EIF3H: variants seen among roughly 807,000 people sequenced by gnomAD.
EIF3H encodes the protein eIF-3-gamma.
Under a neutral mutation model 44.2 loss-of-function variants are expected in EIF3H, and 26 were observed. The observed-to-expected ratio is 0.59, with a 90% CI of 0.43 to 0.82. EIF3H has a LOEUF of 0.82. Among genes scored for constraint, EIF3H ranks in the 40% least tolerant of loss-of-function variants. The pLI is 0.00. For synonymous variants in EIF3H, 166 were observed against 151.9 expected (o/e 1.09, Z -0.68); for missense variants, 359 against 432.8 (o/e 0.83, Z 1.51).
At chr8:116,702,214 A>C (rs1378050921) in intron 2 of EIF3H, among the ~76,000 whole-genome samples, 1 of 152,210 alleles carries the variant, frequency 6.6e-6, no homozygotes, top group Non-Finnish European at 1.5e-5. Context: ...CTATCCAGGA[A>C]CAAGGCAGAT....
chr8:116,723,357 G>C (rs796658660), intron 2 of EIF3H, among the ~76,000 whole-genome samples: 7 of 152,168 alleles, frequency 4.6e-5, no homozygotes, highest in African/African-American at 1.7e-4. Flanking sequence ...CTGCCAGAAA[G>C]AACTACAGAG....
intron 1 of EIF3H, among the ~76,000 whole-genome samples, chr8:116,743,798 AAACAC>A (rs1815179358): frequency 1.7e-3 from 132 of 79,676 alleles, no homozygotes; most frequent in East Asian, 8.1e-3. Flanking sequence ...ATATATATAT[AAACAC>A]ACACACACAC....
At chr8:116,719,372 G>A (rs1348721391) in intron 2 of EIF3H, among the ~76,000 whole-genome samples, 1 of 152,112 alleles carries the variant, frequency 6.6e-6, no homozygotes, top group Non-Finnish European at 1.5e-5. Context: ...GCAAGGCTCT[G>A]GAAGACAGAA....
intron 2 of EIF3H, among the ~76,000 whole-genome samples, chr8:116,718,648 T>A (rs1254693404): frequency 6.8e-6 from 1 of 148,148 alleles, no homozygotes; most frequent in Non-Finnish European, 1.5e-5. Flanking sequence ...TCATATGTTC[T>A]CATTCATAAG....
At chr8:116,733,292 A>T (rs772034786) in intron 1 of EIF3H, among the ~76,000 whole-genome samples, 14 of 152,198 alleles carry the variant, frequency 9.2e-5, no homozygotes, top group Non-Finnish European at 1.8e-4. Flanking sequence ...CCAAAAGCTC[A>T]TCAAATCTTG....
intron 2 of EIF3H, among the ~76,000 whole-genome samples, chr8:116,689,795 A>T (rs1814141810): frequency 6.6e-6 from 1 of 152,140 alleles, no homozygotes; most frequent in Non-Finnish European, 1.5e-5. Flanking sequence ...TTTATTAAAA[A>T]CTCAAATGTA....
chr8:116,644,932 A>G lies in EIF3H; in HGVS notation c.*74T>C. ...CCTCTGTGCTTTTCAATATGCAAAT[A>G]TATTTCTTCCAAGAGTTGCCCTGGT... is the stretch of plus-strand genomic sequence containing the variant. On this transcript the variant is annotated 3_prime_UTR_variant, in exon 8 of 8. Transcript: ENST00000521861. 1.7e-6 allele frequency: 2 copies of G among 1,184,316 alleles called. No homozygotes were observed. Among genetic ancestry groups the G allele is most frequent in the Non-Finnish European group, 2.5e-6 (2 of 810,606 alleles). 73.4% of individuals were successfully genotyped at this position (1,184,316 alleles called of 1,614,324 possible).
At chr8:116,695,902 G>C (rs557204503) in intron 2 of EIF3H, among the ~76,000 whole-genome samples, 1 of 152,206 alleles carries the variant, frequency 6.6e-6, no homozygotes, top group African/African-American at 2.4e-5. Context: ...ATATGAAAAG[G>C]GAGAAAAGTA....
At chr8:116,717,495 A>T (rs1362591703) in intron 2 of EIF3H, among the ~76,000 whole-genome samples, 1 of 152,218 alleles carries the variant, frequency 6.6e-6, no homozygotes, top group Admixed American at 6.5e-5. Context: ...ACCTGACTTC[A>T]AACTACTGTG....
chr8:116,678,886 GC>G (rs1240070497), intron 2 of EIF3H, among the ~76,000 whole-genome samples: 21 of 134,974 alleles, frequency 1.6e-4, no homozygotes, highest in Non-Finnish European at 3.5e-4. Context: ...CCCCCGCCCG[GC>G]CAGCCGCCCC....
Position 116,726,115 on chromosome 8 carries a change from G to GTC in EIF3H, c.189_190insGA (p.Gln64AspfsTer10). 1 of 1,613,982 alleles carries GTC rather than the reference G, an allele frequency of 6.2e-7. No homozygotes were observed. Among genetic ancestry groups the GTC allele is most frequent in the Non-Finnish European group, 8.5e-7 (1 of 1,179,934 alleles). ...ACAACCAGACCCAAAAGCACTCCTT[G>GTC]AACAACTTCAGTTCCTTGTCCTTCT... On this transcript the variant is annotated frameshift_variant, in exon 2 of 8. Transcript: ENST00000521861. LOFTEE classifies it high-confidence loss of function.
At chr8:116,715,627 C>A (rs1039883238) in intron 2 of EIF3H, among the ~76,000 whole-genome samples, 2 of 152,046 alleles carry the variant, frequency 1.3e-5, no homozygotes, top group African/African-American at 4.8e-5. Context: ...ATAAAGTAAG[C>A]TTCCTATATC....
At chr8:116,707,793 T>A (rs1215956628) in intron 2 of EIF3H, among the ~76,000 whole-genome samples, 1 of 152,160 alleles carries the variant, frequency 6.6e-6, no homozygotes, top group Non-Finnish European at 1.5e-5. Context: ...CTACTTCAAA[T>A]CTAAGCTTCA....
intron 2 of EIF3H, among the ~76,000 whole-genome samples, chr8:116,679,723 C>T (rs1813933577): frequency 1.3e-4 from 1 of 7,734 alleles, no homozygotes; most frequent in Admixed American, 5.6e-4. Context: ...AGTGAGGAGC[C>T]CCTCTGCCCG....
chr8:116,687,052 G>C (rs1814090358), intron 2 of EIF3H, among the ~76,000 whole-genome samples: 1 of 152,130 alleles, frequency 6.6e-6, no homozygotes, highest in Admixed American at 6.5e-5. Context: ...TCAAACTTCT[G>C]CTGTAAGACA....
chr8:116,733,373 G>A (rs572621417), intron 1 of EIF3H, among the ~76,000 whole-genome samples: 1 of 152,192 alleles, frequency 6.6e-6, no homozygotes, highest in Non-Finnish European at 1.5e-5. Context: ...AGAGGTCAGT[G>A]GGGCTGAAGG....
At chr8:116,656,125 TAA>T (rs771153235) in intron 4 of EIF3H, 120 bp from the exon 5 acceptor site, 957 of 585,692 alleles carry the variant, frequency 1.6e-3, no homozygotes, top group South Asian at 2.5e-3. Flanking sequence ...TTAGCACTCT[TAA>T]AAAAAAAAAA....
chr8:116,705,652 A>G (rs1297981942), intron 2 of EIF3H, among the ~76,000 whole-genome samples: 1 of 152,084 alleles, frequency 6.6e-6, no homozygotes, highest in Non-Finnish European at 1.5e-5. Context: ...GCACTCTTTA[A>G]AACTGCCTAG....
chr8:116,699,206 G>A (rs1814326973), intron 2 of EIF3H, among the ~76,000 whole-genome samples: 2 of 151,602 alleles, frequency 1.3e-5, no homozygotes, highest in African/African-American at 4.9e-5. Flanking sequence ...AATCCACTGA[G>A]TTATATATAG....
Sources: gnomAD v4.1 joint callset for allele counts (sites outside exome capture counted in the v4.1 genomes callset) on GRCh38, gnomAD v4.1.1 for gene constraint, MANE v1.5 for transcripts, NCBI Gene and HGNC (gene_info 2026-07-23, HGNC 2026-07-21) for gene names.